RAP1GAP: variants seen among roughly 807,000 people sequenced by gnomAD.
RAP1GAP encodes the protein RAP1 GTPase activating protein.
Under a neutral mutation model 87.2 loss-of-function variants are expected in RAP1GAP, and 35 were observed. The observed-to-expected ratio is 0.40, with a 90% CI of 0.31 to 0.53. The LOEUF (loss-of-function observed/expected upper bound fraction) is 0.53, where lower values mean the gene tolerates loss of function less well. Ranked by LOEUF, RAP1GAP falls within the 20% of genes least tolerant of loss-of-function variation. The pLI is 0.48. For synonymous variants in RAP1GAP, 375 were observed against 363.9 expected, an observed-to-expected ratio of 1.03 and a Z score of -0.35; for missense variants, 734 against 898.9, an observed-to-expected ratio of 0.82 and a Z score of 2.35.
At chr1:21,610,689 A>C (rs1183116712) in intron 13 of RAP1GAP, among the ~76,000 whole-genome samples, 3 of 152,186 alleles carry the variant, frequency 2.0e-5, no homozygotes, top group Non-Finnish European at 4.4e-5. Flanking sequence ...ACTCGAGCCC[A>C]GGTCTCTTGG....
At chr1:21,641,581 T>G (rs936822318) in intron 2 of RAP1GAP, among the ~76,000 whole-genome samples, 1 of 152,232 alleles carries the variant, frequency 6.6e-6, no homozygotes, top group Non-Finnish European at 1.5e-5. Flanking sequence ...GGTTCACTGC[T>G]GCATCCCCAG....
chr1:21,619,132 C>A, intron 4 of RAP1GAP, 60 bp from the exon 5 acceptor site: 1 of 1,517,584 alleles, frequency 6.6e-7, no homozygotes, highest in African/African-American at 1.4e-5. Context: ...GCTGCCTCCC[C>A]TCCCCAAGGC....
chr1:21,631,179 C>G (rs1325111602), intron 2 of RAP1GAP, among the ~76,000 whole-genome samples: 2 of 152,212 alleles, frequency 1.3e-5, no homozygotes, highest in Non-Finnish European at 2.9e-5. Context: ...TTCCCCACGT[C>G]TCCAAAAACC....
In RAP1GAP at chr1:21,613,049, G is replaced by T; in HGVS notation, c.528+127C>A. On this transcript the variant is annotated intron_variant, in intron 10 of 24. Transcript: ENST00000374765. The surrounding 1 kb of genome is among the most constrained non-coding windows in gnomAD (Gnocchi z 4.7). Reference sequence around the variant, plus strand: ...TCTTCTGCAAATTGTGGACTTCACAGGGTTATTGTGAGGATTAAATGAGAG... The same window carrying T: ...TCTTCTGCAAATTGTGGACTTCACATGGTTATTGTGAGGATTAAATGAGAG... The T allele has an allele frequency of 9.5e-7, 1 of 1,056,816 alleles. No individual in the cohort carries two copies. Among genetic ancestry groups the T allele is most frequent in the Non-Finnish European group, 1.4e-6 (1 of 696,670 alleles). The allele number at this position is 1,056,816 out of a possible 1,614,324, so 65.5% of individuals were successfully genotyped here.
chr1:21,602,838 C>T lies in RAP1GAP; in HGVS notation c.1504G>A (p.Gly502Ser), dbSNP rs767705420. 2 of 1,610,870 alleles carry T rather than the reference C, an allele frequency of 1.2e-6. No homozygotes were observed. Among genetic ancestry groups the T allele is most frequent in the Non-Finnish European group, 1.7e-6 (2 of 1,179,708 alleles). ...PFGSRRSSAI[G>S]IENIQEVQEK... ...TGCACCTCCTGTATGTTCTCGATGC[C>T]AATGGCGCTGCTGCGGCGGGAGCCG... Residue 502 changes from glycine (G) to serine (S), a missense_variant, in exon 19 of 25, where the codon GGC becomes AGC. Coordinates refer to ENST00000374765, the MANE Select transcript of RAP1GAP (RefSeq NM_002885.4).
Position 21,603,470 on chromosome 1 carries a change from G to T in RAP1GAP, c.1429-557C>A, listed in dbSNP as rs752151396. On this transcript the variant is annotated intron_variant, in intron 18 of 24. Coordinates refer to ENST00000374765, the MANE Select transcript of RAP1GAP (RefSeq NM_002885.4). This position sits in a 1 kb window ranked among gnomAD's most constrained non-coding sequence, Gnocchi z 6.0. ...AAGGGGTAGGACCCCAGGTCACTTC[G>T]TGGCGGGGAGGAGGAGTCAGGGCAG... is the stretch of plus-strand genomic sequence containing the variant. 2 of 588,254 alleles carry T rather than the reference G, an allele frequency of 3.4e-6. No homozygotes were observed. Among genetic ancestry groups the T allele is most frequent in the African/African-American group, 1.9e-5 (1 of 53,434 alleles). The allele number at this position is 588,254 out of a possible 1,614,324, so 36.4% of individuals were successfully genotyped here. A position where few individuals can be genotyped will look rare whatever the true frequency, so the allele number is the denominator to read the frequency against.
At chr1:21,607,170 G>C (rs1054295126) in intron 17 of RAP1GAP, among the ~76,000 whole-genome samples, 1 of 152,150 alleles carries the variant, frequency 6.6e-6, no homozygotes, top group African/African-American at 2.4e-5. Flanking sequence ...TGGAGGAGAC[G>C]GTGGCAAAAA....
At chr1:21,645,037 G>T (rs2095901848) in intron 2 of RAP1GAP, among the ~76,000 whole-genome samples, 1 of 152,170 alleles carries the variant, frequency 6.6e-6, no homozygotes, top group Admixed American at 6.5e-5. Context: ...TCCAGGCTCA[G>T]TGAGGTGAAG....
At chr1:21,644,654 C>T (rs1388564325) in intron 2 of RAP1GAP, among the ~76,000 whole-genome samples, 5 of 152,118 alleles carry the variant, frequency 3.3e-5, no homozygotes, top group Non-Finnish European at 7.4e-5. Flanking sequence ...AATCCCAGCA[C>T]TTTGGGAGGC....
chr1:21,597,222 GGGCTTGACAC>G lies in RAP1GAP; in HGVS notation c.*67_*76del, dbSNP rs1475353622. The stretch of plus-strand genomic sequence containing the variant: ...TTCAGGGCAGAGGTCTCGTCTGCCT[GGGCTTGACAC>G]GGCACCTTCCCCTTGTGCTTCTGTG... On this transcript the variant is annotated 3_prime_UTR_variant, in exon 25 of 25. Transcript: ENST00000374765. The G allele has an allele frequency of 1.3e-5, 2 of 156,776 alleles. No homozygotes were observed. The highest frequency in any genetic ancestry group is 4.8e-5 in the African/African-American group (2 of 41,498). The allele number at this position is 156,776 out of a possible 1,614,324, so 9.7% of individuals were successfully genotyped here.
chr1:21,626,890 C>G (rs769343167), intron 2 of RAP1GAP: 7 of 456,662 alleles, frequency 1.5e-5, no homozygotes, highest in African/African-American at 6.0e-5. Flanking sequence ...GCTGAGCCCT[C>G]GTTCTAGGCC....
At chr1:21,597,851 G>T (rs535282755) in intron 23 of RAP1GAP, 110 bp downstream of exon 23, 207 of 1,511,574 alleles carry the variant, frequency 1.4e-4, no homozygotes, top group Non-Finnish European at 1.8e-4. Context: ...TCCTGGCCTA[G>T]CGGGGCCTAG....
chr1:21,662,225 C>T (rs1474303878), intron 1 of RAP1GAP, among the ~76,000 whole-genome samples: 1 of 152,170 alleles, frequency 6.6e-6, no homozygotes, highest in Non-Finnish European at 1.5e-5. Flanking sequence ...TTTCCTCACC[C>T]ACAAAATGTG....
intron 2 of RAP1GAP, among the ~76,000 whole-genome samples, chr1:21,631,590 G>A (rs916844368): frequency 2.2e-4 from 33 of 152,304 alleles, no homozygotes; most frequent in African/African-American, 6.0e-4. Flanking sequence ...GGAGGCTGAG[G>A]CAGGAGAATC....
chr1:21,636,459 A>G (rs2094681538), intron 2 of RAP1GAP, among the ~76,000 whole-genome samples: 1 of 152,082 alleles, frequency 6.6e-6, no homozygotes, highest in Admixed American at 6.5e-5. Flanking sequence ...CAAGACTCCT[A>G]GGTGGAAGTT....
intron 1 of RAP1GAP, among the ~76,000 whole-genome samples, chr1:21,666,440 C>T (rs1214122984): frequency 1.3e-5 from 2 of 152,234 alleles, no homozygotes; most frequent in African/African-American, 4.8e-5. Context: ...CAGAACAACA[C>T]CTTCAGAGAC....
intron 1 of RAP1GAP, among the ~76,000 whole-genome samples, chr1:21,665,682 T>C (rs566362167): frequency 2.0e-5 from 3 of 152,326 alleles, no homozygotes; most frequent in South Asian, 4.1e-4. Context: ...GCCCTAAATA[T>C]AGAGCACATT....
At chr1:21,629,780 C>T (rs1435040342) in intron 2 of RAP1GAP, among the ~76,000 whole-genome samples, 1 of 152,224 alleles carries the variant, frequency 6.6e-6, no homozygotes, top group East Asian at 1.9e-4. Context: ...CAGAAACCTC[C>T]TGCTTTCCAC....
rs202033666 is a variant in RAP1GAP at position 21,598,038 on chromosome 1, C to T, written c.1906G>A (p.Ala636Thr). Residue 636 changes from alanine (A) to threonine (T), a missense_variant, in exon 23 of 25, where the codon GCC becomes ACC. Ala to Thr is a moderately conservative substitution (Grantham distance 58). Around this residue, in one of 2 missense-constraint regions of RAP1GAP, gnomAD observed 249 missense variants for 252.7 expected, o/e 0.99. Coordinates refer to ENST00000374765, the MANE Select transcript of RAP1GAP (RefSeq NM_002885.4). ...PGPSRSPHPDAGKLGDPACPE... is the reference protein window; with the variant it reads ...PGPSRSPHPDTGKLGDPACPE... ...CACGCAGGGTCCCCCAACTTGCCGG[C>T]GTCTGGGTGGGGTGATCGAGAGGGG... 1.7e-4 allele frequency: 265 copies of T among 1,561,352 alleles called. No individual in the cohort carries two copies. In the African/African-American group the frequency reaches 2.7e-3, roughly 16 times the overall value.
Sources: gnomAD v4.1 joint callset for allele counts (sites outside exome capture counted in the v4.1 genomes callset) on GRCh38, gnomAD v4.1.1 for gene constraint, gnomAD v4.1.1 regional missense constraint, Gnocchi (gnomAD v3.1) non-coding constraint, MANE v1.5 for transcripts, NCBI Gene and HGNC (gene_info 2026-07-23, HGNC 2026-07-21) for gene names.